TSPOAP1: variants seen among roughly 807,000 people sequenced by gnomAD.
TSPOAP1 encodes the protein TSPO associated protein 1.
In TSPOAP1, 87 loss-of-function variants were observed where a neutral mutation model predicts 197.0. The ratio of observed to expected loss-of-function variants is 0.44; its 90% CI spans 0.37 to 0.53. TSPOAP1 has a LOEUF of 0.53. TSPOAP1 is among the 20% of genes least tolerant of loss of function. The probability of loss-of-function intolerance (pLI) is 0.00; values close to 1 mark genes in which losing one functional copy is unlikely to be tolerated. For synonymous variants in TSPOAP1, 913 were observed against 998.9 expected (o/e 0.91, Z 1.62); for missense variants, 2,174 against 2,411.3 (o/e 0.90, Z 2.06).
At chr17:58,314,298 C>T (rs539453238) in intron 16 of TSPOAP1, among the ~76,000 whole-genome samples, 7 of 152,268 alleles carry the variant, frequency 4.6e-5, no homozygotes, top group African/African-American at 1.7e-4. Flanking sequence ...TGGTGGCCGC[C>T]CAAAAACATG....
At position 58,302,443 on chromosome 17, in the gene TSPOAP1, C is replaced by G; in HGVS notation, c.*37G>C. ...TGGGGACCCTTGTGTGGTGCAGCCC[C>G]AGTCCTGAAATGTGAGACAGAAGGA... On this transcript the variant is annotated 3_prime_UTR_variant, in exon 32 of 32. Transcript: ENST00000343736. 1 of 1,243,132 alleles carries G rather than the reference C, an allele frequency of 8.0e-7. No individual in the cohort carries two copies. The highest frequency in any genetic ancestry group is 1.0e-6 in the Non-Finnish European group (1 of 969,978). The allele number at this position is 1,243,132 out of a possible 1,614,324, so 77.0% of individuals were successfully genotyped here. A position where few individuals can be genotyped will look rare whatever the true frequency, so the allele number is the denominator to read the frequency against.
Position 58,322,576 on chromosome 17 carries a change from C to T in TSPOAP1, c.1317+78G>A. On this transcript the variant is annotated intron_variant, in intron 9 of 31. Coordinates refer to ENST00000343736, the MANE Select transcript of TSPOAP1 (RefSeq NM_004758.4). This position sits in a 1 kb window ranked among gnomAD's most constrained non-coding sequence, Gnocchi z 5.0. ...CCCAGGCCTCAGAGCTAGTGCCCCT[C>T]ACTAAGAATATTCTGCTGTCCCACT... 1 of 1,584,442 alleles carries T rather than the reference C, an allele frequency of 6.3e-7. No individual in the cohort carries two copies. The highest frequency in any genetic ancestry group is 8.6e-7 in the Non-Finnish European group (1 of 1,168,218).
At position 58,302,435 on chromosome 17, in the gene TSPOAP1, T is replaced by C; in HGVS notation, c.*45A>G. On this transcript the variant is annotated 3_prime_UTR_variant, in exon 32 of 32. Transcript: ENST00000343736. The stretch of plus-strand genomic sequence containing the variant: ...GGGGGCCCTGGGGACCCTTGTGTGG[T>C]GCAGCCCCAGTCCTGAAATGTGAGA... 7.9e-7 allele frequency: 1 copy of C among 1,258,264 alleles called. No homozygotes were observed. The highest frequency in any genetic ancestry group is 1.3e-5 in the South Asian group (1 of 76,600). The allele number at this position is 1,258,264 out of a possible 1,614,324, so 77.9% of individuals were successfully genotyped here.
rs954175818 is a variant in TSPOAP1, at chr17:58,304,481, A to G, written c.5545-82T>C. 6.0e-6 allele frequency: 7 copies of G among 1,159,988 alleles called. No individual in the cohort carries two copies. The highest frequency in any genetic ancestry group is 3.0e-5 in the African/African-American group (2 of 66,060). The allele number at this position is 1,159,988 out of a possible 1,614,324, so 71.9% of individuals were successfully genotyped here. ...GCCCGGCCACCAGGTGGCCCTGCGC[A>G]GGGGTGGGCCCTACTCTCCAAGGCC... On this transcript the variant is annotated intron_variant, in intron 30 of 31. Transcript: ENST00000343736. The surrounding 1 kb of genome is among the most constrained non-coding windows in gnomAD (Gnocchi z 4.2).
intron 24 of TSPOAP1, 141 bp downstream of exon 24, chr17:58,307,470 G>T: frequency 8.8e-7 from 1 of 1,133,304 alleles, no homozygotes; most frequent in Non-Finnish European, 1.2e-6. Flanking sequence ...AAGCAGCAGA[G>T]TCAGGTCCAA....
chr17:58,313,348 T>TA (rs1438473264), intron 16 of TSPOAP1, among the ~76,000 whole-genome samples: 2 of 152,128 alleles, frequency 1.3e-5, no homozygotes, highest in African/African-American at 4.8e-5. Context: ...CATGGTGGCT[T>TA]ATGCCTGTAA....
Position 58,306,866 on chromosome 17 carries a change from G to A in TSPOAP1, c.5086C>T (p.Pro1696Ser). 1.2e-6 allele frequency: 2 copies of A among 1,613,632 alleles called. No individual in the cohort carries two copies. Among genetic ancestry groups the A allele is most frequent in the Non-Finnish European group, 1.7e-6 (2 of 1,179,996 alleles). The change falls in exon 25 of 32, where the codon CCT (proline) becomes TCT (serine). Residue 1696 changes from proline (P) to serine (S), a missense_variant. By Grantham distance (74) the Pro-to-Ser change is moderately conservative (BLOSUM62 -1). Coordinates refer to ENST00000343736, the MANE Select transcript of TSPOAP1 (RefSeq NM_004758.4). ...TGGAGCAGTTGCTGTCTCCCAGCAG[G>A]GCTGTCCACAGCCACCTCAGCCACC... The part of the protein sequence containing the change: ...NMVAEVAVDS[P>S]AGRQQLLQRG...
rs1223014793 is a variant in TSPOAP1, at chr17:58,309,875, A to T, written c.3891+92T>A. ...GCCACAGACCTAGAATGTTTCTGGC[A>T]CTCAGTGGTGGTCAGAGCACCTGCT... On this transcript the variant is annotated intron_variant, in intron 21 of 31. Transcript: ENST00000343736. The surrounding 1 kb of genome is among the most constrained non-coding windows in gnomAD (Gnocchi z 5.0). 4.1e-6 allele frequency: 6 copies of T among 1,468,524 alleles called. No individual in the cohort carries two copies. Among genetic ancestry groups the T allele is most frequent in the Middle Eastern group, 2.5e-4 (1 of 3,978 alleles). 91.0% of individuals were successfully genotyped at this position (1,468,524 alleles called of 1,614,324 possible).
At chr17:58,323,640 A>G in intron 5 of TSPOAP1, 95 bp from the exon 6 acceptor site, 2 of 1,312,146 alleles carry the variant, frequency 1.5e-6, no homozygotes, top group Middle Eastern at 2.2e-4. Context: ...TTCCCACCCC[A>G]TCATTCAGCC....
In TSPOAP1 at chr17:58,310,753, T is replaced by C; in HGVS notation, c.3460-2A>G. 6.2e-7 allele frequency: 1 copy of C among 1,610,964 alleles called. No homozygotes were observed. The highest frequency in any genetic ancestry group is 8.5e-7 in the Non-Finnish European group (1 of 1,178,454). On this transcript the variant is annotated splice_acceptor_variant, in intron 19 of 31. Coordinates refer to ENST00000343736, the MANE Select transcript of TSPOAP1 (RefSeq NM_004758.4). LOFTEE classifies it high-confidence loss of function. ...CAGCACTGCTGCCCCAGCCTCCTCC[T>C]GGAACAGAGAGCACTGAGGAAGGAC...
At position 58,305,729 on chromosome 17, in the gene TSPOAP1, CCT is replaced by C. The variant is rs1001344431; in HGVS notation, c.5258-88_5258-87del. ...TTCTGCCCCGGACCCCTGCTGACCC[CCT>C]GTCACCACCTCCCCACTAGCTGTAG... On this transcript the variant is annotated intron_variant, in intron 27 of 31. Transcript: ENST00000343736. The C allele has an allele frequency of 5.1e-5, 76 of 1,491,264 alleles. No individual in the cohort carries two copies. In the Admixed American group the frequency reaches 5.8e-4, roughly 11 times the overall value. 92.4% of individuals were successfully genotyped at this position (1,491,264 alleles called of 1,614,324 possible). A position where few individuals can be genotyped will look rare whatever the true frequency, so the allele number is the denominator to read the frequency against.
In TSPOAP1 at chr17:58,309,044, C is replaced by T. The variant is rs558071824; in HGVS notation, c.4228G>A (p.Gly1410Ser). The change falls in exon 22 of 32, where the codon GGC becomes AGC. Residue 1410 changes from glycine to serine, a missense_variant. Physicochemically the swap from Gly to Ser is moderately conservative, Grantham distance 56. Coordinates refer to ENST00000343736, the MANE Select transcript of TSPOAP1 (RefSeq NM_004758.4). The surrounding 1 kb of genome is among the most constrained non-coding windows in gnomAD (Gnocchi z 5.0). ...VGGSSRRRGG[G>S]SPEKPPSRRR... ...CGGCTTGGGGGCTTCTCAGGGGAGCCCCCTCCTCTCCTCCGGCTGCTTCCA... is the reference window on the plus strand; with the variant it reads ...CGGCTTGGGGGCTTCTCAGGGGAGCTCCCTCCTCTCCTCCGGCTGCTTCCA... 328 of 1,612,306 alleles carry T rather than the reference C, an allele frequency of 2.0e-4. 3 individuals are homozygous for T. In the South Asian group the frequency reaches 3.5e-3, roughly 17 times the overall value.
At chr17:58,317,324 G>A (rs1598070947) in intron 14 of TSPOAP1, among the ~76,000 whole-genome samples, 1 of 152,332 alleles carries the variant, frequency 6.6e-6, no homozygotes. Context: ...CCTGCTTCTA[G>A]CCGAGTGACA....
At chr17:58,313,506 G>T (rs1971130699) in intron 16 of TSPOAP1, among the ~76,000 whole-genome samples, 1 of 151,946 alleles carries the variant, frequency 6.6e-6, no homozygotes. Flanking sequence ...AGCTACTCAG[G>T]AGCCTGAGGT....
At position 58,326,539 on chromosome 17, in the gene TSPOAP1, G is replaced by A; in HGVS notation, c.442-118C>T. The A allele has an allele frequency of 1.3e-6, 2 of 1,545,770 alleles. No individual in the cohort carries two copies. The highest frequency in any genetic ancestry group is 1.2e-5 in the South Asian group (1 of 82,760). On this transcript the variant is annotated intron_variant, in intron 2 of 31. Transcript: ENST00000343736. This position sits in a 1 kb window ranked among gnomAD's most constrained non-coding sequence, Gnocchi z 4.7. ...ACAGTGGGGTCCTTGGCAACTCTAG[G>A]CAGGGGTTCACCCTCTCTGGGTCTC...
intron 1 of TSPOAP1, 103 bp downstream of exon 1, chr17:58,327,485 G>T: frequency 1.7e-6 from 2 of 1,174,544 alleles, no homozygotes; most frequent in Non-Finnish European, 2.4e-6. Context: ...GAGAGGACAG[G>T]TGGGCATTGG....
chr17:58,327,752 A>T lies in TSPOAP1; in HGVS notation c.169T>A (p.Ser57Thr). Residue 57 changes from serine to threonine, a missense_variant, in exon 1 of 32, where the codon TCT (serine) becomes ACT (threonine). Transcript: ENST00000343736. ...CCTTTGGGCTTGGAACTCTCCTCAG[A>T]CCTCAGTTCTTGAAGCTGCAGAGCT... ...PAALQLQELR[S>T]EESSKPKGDG... 1.2e-6 allele frequency: 2 copies of T among 1,614,128 alleles called. No homozygotes were observed. The highest frequency in any genetic ancestry group is 1.7e-6 in the Non-Finnish European group (2 of 1,180,010).
At chr17:58,316,665 G>T in intron 14 of TSPOAP1, 125 bp from the exon 15 acceptor site, 1 of 676,338 alleles carries the variant, frequency 1.5e-6, no homozygotes, top group African/African-American at 1.8e-5. Flanking sequence ...CATACATGCT[G>T]CACAGGAGCA....
At position 58,306,365 on chromosome 17, in the gene TSPOAP1, G is replaced by A. The variant is rs1295853755; in HGVS notation, c.5201C>T (p.Pro1734Leu). 8 of 1,554,614 alleles carry A rather than the reference G, an allele frequency of 5.1e-6. No homozygotes were observed. The South Asian group carries it at 8.3e-5, about 16-fold the overall frequency. The change falls in exon 26 of 32, where the codon CCC (proline) becomes CTC (leucine). Residue 1734 changes from proline to leucine, a missense_variant. By Grantham distance (98) the Pro-to-Leu change is moderately conservative (BLOSUM62 -3). This residue lies in a region of TSPOAP1 where 161 missense variants were observed against 159.1 expected (regional missense o/e 1.01). Transcript: ENST00000343736. The part of the protein sequence containing the change: ...YSTAHTTGPP[P>L]KPRRSKKAES... Reference sequence around the variant, plus strand: ...ACCTTTCTTGGAGCGGCGGGGCTTGGGAGGAGGCCCAGTTGTGTGGGCTGT... The same window carrying A: ...ACCTTTCTTGGAGCGGCGGGGCTTGAGAGGAGGCCCAGTTGTGTGGGCTGT...
Sources: allele counts gnomAD v4.1 joint callset (sites outside exome capture counted in the v4.1 genomes callset), GRCh38; gene constraint gnomAD v4.1.1; regional missense constraint gnomAD v4.1.1; non-coding constraint Gnocchi (gnomAD v3.1); transcripts MANE v1.5; gene names NCBI Gene and HGNC (gene_info 2026-07-23, HGNC 2026-07-21).